RPL31: variants seen among roughly 807,000 people sequenced by gnomAD.
RPL31 encodes ribosomal protein L31.
For missense variants in RPL31, 95 were observed against 164.0 expected (o/e 0.58, Z 2.30); for synonymous variants, 51 against 55.0 (o/e 0.93, Z 0.32).
downstream of RPL31, among the ~76,000 whole-genome samples, chr2:101,008,692 A>C (rs933675136): frequency 6.6e-6 from 1 of 152,102 alleles, no homozygotes; most frequent in Non-Finnish European, 1.5e-5. Context: ...CATGCCTGCA[A>C]TCCCAGCTAC....
chr2:101,007,642 A>C, downstream of RPL31: 1 of 646,646 alleles, frequency 1.5e-6, no homozygotes, highest in South Asian at 2.0e-5. Flanking sequence ...GACAATTCTC[A>C]ATACATAGAA....
At chr2:101,013,873 C>T (rs955379680) in intron 4 of RPL31, among the ~76,000 whole-genome samples, 3 of 152,180 alleles carry the variant, frequency 2.0e-5, no homozygotes, top group Admixed American at 6.5e-5. Context: ...GCTTATTTTG[C>T]AAAAGCAGTA....
Position 101,018,103 on chromosome 2 carries a change from C to G in RPL31, c.347-895C>G, listed in dbSNP as rs147103564. ...GGGACTAGATTTTGAATCCAATCAA[C>G]ACTTTTTCATATAAAGTTTTCAGAA... On this transcript the variant is annotated intron_variant, in intron 4 of 4. Transcript: ENST00000409028. The G allele has an allele frequency of 1.2e-3, 720 of 599,052 alleles. 6 individuals carry two copies. Among genetic ancestry groups the G allele is most frequent in the African/African-American group, 0.012 (649 of 54,220 alleles). The allele number at this position is 599,052 out of a possible 1,614,324, so 37.1% of individuals were successfully genotyped here.
chr2:101,007,671 G>T, downstream of RPL31: 1 of 763,098 alleles, frequency 1.3e-6, no homozygotes. Flanking sequence ...GGGTTGTGTC[G>T]GTTCCCCTGG....
At chr2:101,008,463 C>T (rs1309869978), downstream of RPL31, among the ~76,000 whole-genome samples, 5 of 152,206 alleles carry the variant, frequency 3.3e-5, no homozygotes, top group African/African-American at 9.7e-5. Flanking sequence ...TCAGCACAGA[C>T]TTGGAAATGG....
downstream of RPL31, among the ~76,000 whole-genome samples, chr2:101,008,735 C>T (rs894382794): frequency 6.6e-6 from 1 of 151,630 alleles, no homozygotes; most frequent in African/African-American, 2.4e-5. Flanking sequence ...TCGCTTAAAC[C>T]CAGGAGGCAA....
At chr2:101,010,104 A>G (rs1017296697), downstream of RPL31, among the ~76,000 whole-genome samples, 2 of 152,038 alleles carry the variant, frequency 1.3e-5, no homozygotes, top group South Asian at 2.1e-4. Flanking sequence ...GGGATTACAG[A>G]CGTGAGCCAA....
chr2:101,002,464 C>T (rs1678576851), intron 1 of RPL31, 149 bp downstream of exon 1: 2 of 569,394 alleles, frequency 3.5e-6, no homozygotes, highest in East Asian at 3.0e-5. Context: ...TAAAGGCTCC[C>T]AGAGCCTGAG....
chr2:101,010,941 G>C, downstream of RPL31: 1 of 1,610,142 alleles, frequency 6.2e-7, no homozygotes, highest in Non-Finnish European at 8.5e-7. Context: ...GGCTCATTTT[G>C]GGCAATTCTT....
At chr2:101,004,098 C>A in intron 2 of RPL31, 60 bp from the exon 3 acceptor site, 1 of 1,570,868 alleles carries the variant, frequency 6.4e-7, no homozygotes, top group Non-Finnish European at 8.7e-7. Context: ...GAGGATTTCT[C>A]ACATGTACCT....
intron 4 of RPL31, chr2:101,017,858 G>C: frequency 6.4e-7 from 1 of 1,550,762 alleles, no homozygotes; most frequent in East Asian, 2.4e-5. Flanking sequence ...TTCCCAATTA[G>C]GTCTTCAAAA....
At chr2:101,011,550 AGAT>A, downstream of RPL31, 1 of 1,613,938 alleles carries the variant, frequency 6.2e-7, no homozygotes, top group Non-Finnish European at 8.5e-7. Context: ...GCTTAAAAAA[AGAT>A]GAGAGGTTTA....
downstream of RPL31, among the ~76,000 whole-genome samples, chr2:101,009,035 T>C (rs935487893): frequency 4.6e-5 from 7 of 152,132 alleles, no homozygotes; most frequent in African/African-American, 1.7e-4. Flanking sequence ...AAATTGAGAA[T>C]ACGTAATGTG....
downstream of RPL31, among the ~76,000 whole-genome samples, chr2:101,011,702 C>T (rs1423982878): frequency 6.6e-6 from 1 of 152,206 alleles, no homozygotes; most frequent in Non-Finnish European, 1.5e-5. Context: ...CAAGCACTGT[C>T]TGGATACCCA....
intron 4 of RPL31, among the ~76,000 whole-genome samples, chr2:101,013,914 T>C (rs982668634): frequency 2.6e-5 from 4 of 152,214 alleles, no homozygotes; most frequent in Non-Finnish European, 4.4e-5. Flanking sequence ...TCCATAGTGG[T>C]TGGAAACAGC....
chr2:101,011,457 G>A (rs756558047), downstream of RPL31: 1 of 1,613,902 alleles, frequency 6.2e-7, no homozygotes, highest in Admixed American at 1.7e-5. Flanking sequence ...GTGCCATTGG[G>A]TTTCCCGAAA....
chr2:101,004,081 C>T (rs1305265553), intron 2 of RPL31, 77 bp from the exon 3 acceptor site: 3 of 1,502,134 alleles, frequency 2.0e-6, no homozygotes, highest in South Asian at 1.3e-5. Context: ...AGCCTATCAT[C>T]GACATTGAGG....
rs752591918 is a variant in RPL31, at chr2:101,005,985, G to A, written c.260G>A (p.Arg87Gln). The stretch of plus-strand genomic sequence containing the variant: ...AATGTGCCATACCGAATCCGTGTGC[G>A]GCTGTCCAGAAAACGTAATGAGGAT... ...IRNVPYRIRVRLSRKRNEDED... is the reference protein window; with the variant it reads ...IRNVPYRIRVQLSRKRNEDED... Residue 87 changes from arginine (R) to glutamine (Q), a missense_variant, in exon 4 of 5, where the codon CGG (arginine) becomes CAG (glutamine). Coordinates refer to ENST00000264258, the MANE Select transcript of RPL31 (RefSeq NM_000993.5). 9.9e-6 allele frequency: 16 copies of A among 1,613,118 alleles called. No homozygotes were observed. Among genetic ancestry groups the A allele is most frequent in the African/African-American group, 1.3e-5 (1 of 74,868 alleles).
At chr2:101,002,597 T>C (rs1678582419) in intron 1 of RPL31, 105 bp from the exon 2 acceptor site, 1 of 966,098 alleles carries the variant, frequency 1.0e-6, no homozygotes, top group Non-Finnish European at 1.6e-6. Flanking sequence ...GGCCAGACTC[T>C]CAGCACCTGG....
Sources: allele counts gnomAD v4.1 joint callset (sites outside exome capture counted in the v4.1 genomes callset), GRCh38; gene constraint gnomAD v4.1.1; transcripts MANE v1.5; gene names NCBI Gene and HGNC (gene_info 2026-07-23, HGNC 2026-07-21).